The following GUCY1B1 variants were observed in gnomAD, a reference collection of about 807,000 sequenced individuals.
The protein encoded by GUCY1B1 is guanylate cyclase 1 soluble subunit beta 1.
In GUCY1B1, 43 loss-of-function variants were observed where a neutral mutation model predicts 71.0. The observed-to-expected ratio is 0.61, with a 90% CI of 0.47 to 0.78. The LOEUF is 0.78. Among genes scored for constraint, GUCY1B1 ranks in the 30% least tolerant of loss-of-function variants. The probability of loss-of-function intolerance (pLI) is 0.00; values close to 1 mark genes in which losing one functional copy is unlikely to be tolerated. For missense variants in GUCY1B1, 535 were observed against 754.1 expected (o/e 0.71, Z 3.40); for synonymous variants, 266 against 259.7 (o/e 1.02, Z -0.23).
rs750663457 is a variant in GUCY1B1 at position 155,759,781 on chromosome 4, C to T, written c.4-6C>T. ...CTGACGCTCAAGTCTCTCCCTGTCCCCGCAGTACGGATTTGTGAATCACGC... is the reference window on the plus strand; with the variant it reads ...CTGACGCTCAAGTCTCTCCCTGTCCTCGCAGTACGGATTTGTGAATCACGC... On this transcript the variant is annotated splice_region_variant and splice_polypyrimidine_tract_variant and intron_variant, in intron 1 of 13. Coordinates refer to ENST00000264424, the MANE Select transcript of GUCY1B1 (RefSeq NM_000857.5). 2 of 1,610,584 alleles carry T rather than the reference C, an allele frequency of 1.2e-6. No individual in the cohort carries two copies. The highest frequency in any genetic ancestry group is 2.7e-5 in the African/African-American group (2 of 74,822).
Position 155,804,816 on chromosome 4 carries a change from C to T in GUCY1B1, c.1709+69C>T, listed in dbSNP as rs931727650. 1.7e-5 allele frequency: 23 copies of T among 1,388,162 alleles called. No homozygotes were observed. In the African/African-American group the frequency reaches 3.1e-4, roughly 19 times the overall value. The allele number at this position is 1,388,162 out of a possible 1,614,324, so 86.0% of individuals were successfully genotyped here. ...GTGTCTTTGCATGTGGTTTAATTCT[C>T]TGAGAGATTTTGTTGCTTTAACAGA... On this transcript the variant is annotated intron_variant, in intron 12 of 13. Coordinates refer to ENST00000264424, the MANE Select transcript of GUCY1B1 (RefSeq NM_000857.5).
At chr4:155,790,638 G>C (rs572800202) in intron 5 of GUCY1B1, among the ~76,000 whole-genome samples, 43 of 152,290 alleles carry the variant, frequency 2.8e-4, no homozygotes, top group African/African-American at 8.9e-4. Context: ...TGAGGCCAAA[G>C]TGGGGAGATA....
intron 2 of GUCY1B1, among the ~76,000 whole-genome samples, chr4:155,768,889 C>A (rs977779267): frequency 6.6e-6 from 1 of 152,082 alleles, no homozygotes; most frequent in Non-Finnish European, 1.5e-5. Context: ...CCCTTAGGGG[C>A]AACAGAGCTT....
rs200168603 is a variant in GUCY1B1 at position 155,777,525 on chromosome 4, T to A, written c.180T>A (p.Asn60Lys). ...TCCCCTCTTGAATTTGTAAAATAGA[T>A]CTCAATGCTGGAGAAATCCTCCAAA... ...DLVAAASKVL[N>K]LNAGEILQMF... The change falls in exon 4 of 14, where the codon AAT becomes AAA. Residue 60 changes from asparagine to lysine, a missense_variant and splice_region_variant. By Grantham distance (94) the Asn-to-Lys change is moderately conservative. Coordinates refer to ENST00000264424, the MANE Select transcript of GUCY1B1 (RefSeq NM_000857.5). 9.7e-4 allele frequency: 1,484 copies of A among 1,523,966 alleles called. 2 individuals are homozygous for A. Among genetic ancestry groups the A allele is most frequent in the Non-Finnish European group, 1.2e-3 (1,371 of 1,098,104 alleles). 94.4% of individuals were successfully genotyped at this position (1,523,966 alleles called of 1,614,324 possible). A position where few individuals can be genotyped will look rare whatever the true frequency, so the allele number is the denominator to read the frequency against.
chr4:155,777,426 C>T, intron 3 of GUCY1B1, 98 bp from the exon 4 acceptor site: 1 of 709,432 alleles, frequency 1.4e-6, no homozygotes, highest in South Asian at 1.7e-5. Flanking sequence ...AAATTGAAGA[C>T]ATTTTACATT....
At chr4:155,779,147 G>A (rs1020150381) in intron 4 of GUCY1B1, among the ~76,000 whole-genome samples, 1 of 152,040 alleles carries the variant, frequency 6.6e-6, no homozygotes, top group African/African-American at 2.4e-5. Context: ...TGCAAACTGG[G>A]GAGTGGCTCA....
intron 5 of GUCY1B1, among the ~76,000 whole-genome samples, chr4:155,791,899 C>T (rs1464352072): frequency 6.6e-6 from 1 of 151,732 alleles, no homozygotes; most frequent in African/African-American, 2.4e-5. Context: ...CAGAAAGAAA[C>T]ACAAATTAGG....
rs930234592 is a variant in GUCY1B1 at position 155,804,777 on chromosome 4, T to C, written c.1709+30T>C. 8.2e-6 allele frequency: 13 copies of C among 1,582,922 alleles called. No homozygotes were observed. The African/African-American group carries it at 1.6e-4, about 20-fold the overall frequency. ...GAGAAAATGTCTTGGTATTTACTGA[T>C]TTGCAAAGAAAATGTGTCTTTGCAT... On this transcript the variant is annotated intron_variant, in intron 12 of 13. Coordinates refer to ENST00000264424, the MANE Select transcript of GUCY1B1 (RefSeq NM_000857.5).
rs1475883362 is a variant in GUCY1B1 at position 155,807,717 on chromosome 4, T to G, written c.*1308T>G. 6.6e-6 allele frequency: 1 copy of G among 152,130 alleles called. No individual in the cohort carries two copies. Among genetic ancestry groups the G allele is most frequent in the Non-Finnish European group, 1.5e-5 (1 of 68,008 alleles). 9.4% of individuals were successfully genotyped at this position (152,130 alleles called of 1,614,324 possible). ...ACCATTATAAATTTTCACTGACTCC[T>G]CATAGACAGCATATTCTTAAATGCT... On this transcript the variant is annotated 3_prime_UTR_variant, in exon 14 of 14. Transcript: ENST00000264424.
intron 2 of GUCY1B1, 141 bp downstream of exon 2, chr4:155,760,001 G>C: frequency 1.6e-6 from 1 of 608,432 alleles, no homozygotes; most frequent in Non-Finnish European, 2.9e-6. Flanking sequence ...CTCCCGGCTC[G>C]CTGCAGCTGC....
chr4:155,802,291 A>T lies in GUCY1B1; in HGVS notation c.1176-51A>T, dbSNP rs371553778. On this transcript the variant is annotated intron_variant, in intron 9 of 13. Transcript: ENST00000264424. This position sits in a 1 kb window ranked among gnomAD's most constrained non-coding sequence, Gnocchi z 4.3. ...GTGAAAAGGACAGCAGAAGCACTAA[A>T]GGCTTTCCCAGTATTTCTTACAGTG... 1 of 1,609,164 alleles carries T rather than the reference A, an allele frequency of 6.2e-7. No individual in the cohort carries two copies. The highest frequency in any genetic ancestry group is 8.5e-7 in the Non-Finnish European group (1 of 1,178,120).
intron 3 of GUCY1B1, among the ~76,000 whole-genome samples, 195 bp downstream of exon 3, chr4:155,775,263 T>G (rs1737963227): frequency 1.3e-5 from 2 of 152,222 alleles, no homozygotes; most frequent in Admixed American, 6.5e-5. Context: ...TTGCAAATTC[T>G]TTAGAGAATA....
At chr4:155,773,330 GGA>G (rs1737820009) in intron 2 of GUCY1B1, among the ~76,000 whole-genome samples, 1 of 152,018 alleles carries the variant, frequency 6.6e-6, no homozygotes, top group Non-Finnish European at 1.5e-5. Context: ...TTTAAACAAT[GGA>G]TTTCACCTCT....
Position 155,771,445 on chromosome 4 carries a change from G to T in GUCY1B1, c.78-3523G>T, listed in dbSNP as rs543349893. Among the ~76,000 whole-genome samples the T allele has an allele frequency of 2.2e-3, 338 of 152,236 alleles. 3 individuals carry two copies. The highest frequency in any genetic ancestry group is 7.8e-3 in the African/African-American group (323 of 41,544). ...CTGCTTGTACCTTGTTTATTTATGG[G>T]TTACTAGAGATTGGTGAGTGTTTCA... On this transcript the variant is annotated intron_variant, in intron 2 of 13. Coordinates refer to ENST00000264424, the MANE Select transcript of GUCY1B1 (RefSeq NM_000857.5).
At chr4:155,804,876 GT>G in intron 12 of GUCY1B1, 129 bp downstream of exon 12, 1 of 832,008 alleles carries the variant, frequency 1.2e-6, no homozygotes, top group Non-Finnish European at 1.9e-6. Flanking sequence ...TGCTTGTAGA[GT>G]TGTTTACTTT....
At position 155,805,089 on chromosome 4, in the gene GUCY1B1, C is replaced by G. The variant is rs115863614; in HGVS notation, c.1710-14C>G. ...GTATACTTCTCTCTCTACTCCCCTT[C>G]CCTTGTCTTTTAGATGTCTTATGTC... is the stretch of plus-strand genomic sequence containing the variant. On this transcript the variant is annotated splice_polypyrimidine_tract_variant and intron_variant, in intron 12 of 13. Coordinates refer to ENST00000264424, the MANE Select transcript of GUCY1B1 (RefSeq NM_000857.5). 387 of 1,608,514 alleles carry G rather than the reference C, an allele frequency of 2.4e-4. 1 individual carries two copies. The African/African-American group carries it at 4.6e-3, about 19-fold the overall frequency.
chr4:155,791,200 C>T (rs1263615352), intron 5 of GUCY1B1, among the ~76,000 whole-genome samples: 1 of 151,260 alleles, frequency 6.6e-6, no homozygotes, highest in Non-Finnish European at 1.5e-5. Context: ...CTGCAAGCTC[C>T]ACCTCCCGGG....
At position 155,807,804 on chromosome 4, in the gene GUCY1B1, C is replaced by G. The variant is rs1330777202; in HGVS notation, c.*1395C>G. ...AAAGACTGGGCATGGAAAGGGGAAA[C>G]AGTTAAATATTGAATGTCATCAGCT... On this transcript the variant is annotated 3_prime_UTR_variant, in exon 14 of 14. Transcript: ENST00000264424. Among the ~76,000 whole-genome samples, 1 of 151,962 alleles carries G rather than the reference C, an allele frequency of 6.6e-6. No homozygotes were observed. Among genetic ancestry groups the G allele is most frequent in the Admixed American group, 6.6e-5 (1 of 15,228 alleles).
intron 8 of GUCY1B1, among the ~76,000 whole-genome samples, chr4:155,797,456 T>C (rs1287608407): frequency 6.6e-6 from 1 of 151,972 alleles, no homozygotes; most frequent in Non-Finnish European, 1.5e-5. Flanking sequence ...AAGAATAATA[T>C]ATTGTTGGCA....
Sources: gnomAD v4.1 joint callset for allele counts (sites outside exome capture counted in the v4.1 genomes callset) on GRCh38, gnomAD v4.1.1 for gene constraint, Gnocchi (gnomAD v3.1) non-coding constraint, MANE v1.5 for transcripts, NCBI Gene and HGNC (gene_info 2026-07-23, HGNC 2026-07-21) for gene names.